The following EML5 variants were observed in gnomAD, a reference collection of about 807,000 sequenced individuals.
EML5 encodes echinoderm microtubule-associated protein-like 5.
EML5 carries 120 observed loss-of-function variants against 250.0 expected under a neutral mutation model. That is an observed-to-expected ratio of 0.48 (90% confidence interval 0.41 to 0.56). The LOEUF (loss-of-function observed/expected upper bound fraction) is 0.56, where lower values mean the gene tolerates loss of function less well. EML5 is among the 20% of genes least tolerant of loss of function. EML5 has a pLI of 0.00. For synonymous variants in EML5, 771 were observed against 806.5 expected (o/e 0.96, Z 0.75); for missense variants, 2,006 against 2,437.6 (o/e 0.82, Z 3.73).
chr14:88,727,763 C>A (rs758358447), intron 7 of EML5, among the ~76,000 whole-genome samples: 1 of 152,028 alleles, frequency 6.6e-6, no homozygotes, highest in Non-Finnish European at 1.5e-5. Context: ...TTATTTCTAC[C>A]CTGACCAAAG....
At chr14:88,752,819 GAGA>G (rs2094115167) in intron 2 of EML5, among the ~76,000 whole-genome samples, 1 of 152,184 alleles carries the variant, frequency 6.6e-6, no homozygotes. Flanking sequence ...CAGCACTGTA[GAGA>G]AGGAGAGAAG....
At chr14:88,716,178 T>C (rs1361573484) in intron 8 of EML5, among the ~76,000 whole-genome samples, 1 of 152,242 alleles carries the variant, frequency 6.6e-6, no homozygotes, top group African/African-American at 2.4e-5. Flanking sequence ...TGAGTCACTA[T>C]ACAGCTGTGG....
At position 88,615,728 on chromosome 14, in the gene EML5, GCAC is replaced by G. The variant is rs1595171380; in HGVS notation, c.*87_*89del. The G allele has an allele frequency of 8.1e-7, 1 of 1,230,242 alleles. No individual in the cohort carries two copies. The highest frequency in any genetic ancestry group is 1.2e-6 in the Non-Finnish European group (1 of 866,912). 76.2% of individuals were successfully genotyped at this position (1,230,242 alleles called of 1,614,324 possible). A position where few individuals can be genotyped will look rare whatever the true frequency, so the allele number is the denominator to read the frequency against. On this transcript the variant is annotated 3_prime_UTR_variant, in exon 44 of 44. Transcript: ENST00000554922. Reference sequence around the variant, plus strand: ...TTCTCCCTGTTACAGTCTTGGGTTAGCACCACTTGACCATGCAGGGTTGGGTTT... The same window carrying G: ...TTCTCCCTGTTACAGTCTTGGGTTAGCACTTGACCATGCAGGGTTGGGTTT...
intron 33 of EML5, among the ~76,000 whole-genome samples, chr14:88,631,833 C>T (rs551798146): frequency 6.6e-6 from 1 of 152,226 alleles, no homozygotes; most frequent in East Asian, 1.9e-4. Context: ...TGAGCTACTG[C>T]GCCCAGCTCA....
chr14:88,664,874 T>C (rs2092260013), intron 22 of EML5, among the ~76,000 whole-genome samples: 1 of 152,190 alleles, frequency 6.6e-6, no homozygotes, highest in Non-Finnish European at 1.5e-5. Flanking sequence ...GATGTAGTTT[T>C]GATACTTTGT....
chr14:88,767,536 T>C (rs917091233), intron 1 of EML5, among the ~76,000 whole-genome samples: 2 of 152,336 alleles, frequency 1.3e-5, no homozygotes, highest in Admixed American at 1.3e-4. Context: ...TTTCCTATTT[T>C]TAAATTATTT....
chr14:88,758,019 A>AT (rs59074536), intron 1 of EML5, among the ~76,000 whole-genome samples: 31,040 of 129,186 alleles, frequency 0.24, 4,052 homozygotes, highest in East Asian at 0.32. Flanking sequence ...CACCTGTCTA[A>AT]TTTTTTTTTT....
intron 6 of EML5, among the ~76,000 whole-genome samples, chr14:88,737,437 A>G (rs10132509): frequency 0.67 from 101,210 of 152,134 alleles, 35,896 homozygotes; most frequent in East Asian, 0.94. Flanking sequence ...CAGCCAGAGT[A>G]TAAGCCAAGC....
At chr14:88,727,357 C>G (rs1414821933) in intron 7 of EML5, among the ~76,000 whole-genome samples, 1 of 150,546 alleles carries the variant, frequency 6.6e-6, no homozygotes, top group Non-Finnish European at 1.5e-5. Flanking sequence ...TATACCATCT[C>G]TTTCCCAACT....
At chr14:88,625,422 C>T (rs371038471) in intron 35 of EML5, 10 of 237,046 alleles carry the variant, frequency 4.2e-5, no homozygotes, top group Non-Finnish European at 7.3e-5. Context: ...TTTTTTGAGA[C>T]GGAGTTTCGC....
chr14:88,674,026 T>C (rs1262082404), intron 21 of EML5, among the ~76,000 whole-genome samples: 2 of 152,188 alleles, frequency 1.3e-5, no homozygotes, highest in Non-Finnish European at 2.9e-5. Flanking sequence ...CCCAGCATTT[T>C]GGAAGGCTGA....
At chr14:88,699,309 A>G (rs1162810503) in intron 14 of EML5, among the ~76,000 whole-genome samples, 1 of 152,122 alleles carries the variant, frequency 6.6e-6, no homozygotes, top group East Asian at 1.9e-4. Context: ...AATAGTTTAC[A>G]AAGAGGCAAA....
In EML5 at chr14:88,714,812, T is replaced by C. The variant is rs368279481; in HGVS notation, c.1444+127A>G. ...TATTATATTGTAGAAAAGTCTACAA[T>C]GCCTGAAATATTAGCTCAGATCTTC... On this transcript the variant is annotated intron_variant, in intron 9 of 43. Transcript: ENST00000554922. 6 of 846,294 alleles carry C rather than the reference T, an allele frequency of 7.1e-6. No homozygotes were observed. The African/African-American group carries it at 1.0e-4, about 14-fold the overall frequency. The allele number at this position is 846,294 out of a possible 1,614,324, so 52.4% of individuals were successfully genotyped here.
chr14:88,753,110 T>G (rs949248161), intron 2 of EML5, among the ~76,000 whole-genome samples: 1 of 152,164 alleles, frequency 6.6e-6, no homozygotes, highest in Non-Finnish European at 1.5e-5. Context: ...CAAAGAATAT[T>G]GTTTGTAACA....
chr14:88,786,862 C>A (rs1447816229), intron 1 of EML5, among the ~76,000 whole-genome samples: 1 of 152,160 alleles, frequency 6.6e-6, no homozygotes, highest in Non-Finnish European at 1.5e-5. Context: ...TCTCAGGTAT[C>A]TCTTTATCAG....
intron 8 of EML5, among the ~76,000 whole-genome samples, chr14:88,723,608 C>T (rs1028564046): frequency 1.3e-5 from 2 of 151,922 alleles, no homozygotes; most frequent in African/African-American, 4.8e-5. Flanking sequence ...GTTCTCACCC[C>T]CTAAAGTGGT....
chr14:88,782,258 G>T (rs1465738152), intron 1 of EML5, among the ~76,000 whole-genome samples: 1 of 152,170 alleles, frequency 6.6e-6, no homozygotes, highest in East Asian at 1.9e-4. Flanking sequence ...AGAGATCTGT[G>T]GAACTTTGAA....
chr14:88,745,601 TAACAAA>T (rs1229377806), intron 3 of EML5, among the ~76,000 whole-genome samples: 1 of 152,144 alleles, frequency 6.6e-6, no homozygotes, highest in Non-Finnish European at 1.5e-5. Flanking sequence ...AATACATATG[TAACAAA>T]TTAGTGGTAA....
At chr14:88,722,092 A>C (rs528025012) in intron 8 of EML5, among the ~76,000 whole-genome samples, 72 of 152,328 alleles carry the variant, frequency 4.7e-4, no homozygotes, top group African/African-American at 1.3e-3. Flanking sequence ...CAGAATGACA[A>C]TTATTAAAAA....
Sources: allele counts gnomAD v4.1 joint callset (sites outside exome capture counted in the v4.1 genomes callset), GRCh38; gene constraint gnomAD v4.1.1; transcripts MANE v1.5; gene names NCBI Gene and HGNC (gene_info 2026-07-23, HGNC 2026-07-21).